RFTN1: variants seen among roughly 807,000 people sequenced by gnomAD.
RFTN1 encodes the protein raftlin, lipid raft linker 1.
RFTN1 carries 26 observed loss-of-function variants against 46.5 expected under a neutral mutation model. That is an observed-to-expected ratio of 0.56 (90% CI 0.41 to 0.78). RFTN1 has a LOEUF of 0.78. Ranked by LOEUF, RFTN1 falls within the 30% of genes least tolerant of loss-of-function variation. The pLI is 0.00. For missense variants in RFTN1, 693 were observed against 718.7 expected, an observed-to-expected ratio of 0.96 and a Z score of 0.41; for synonymous variants, 261 against 284.2, an observed-to-expected ratio of 0.92 and a Z score of 0.82.
rs916299753 is a variant in RFTN1, at chr3:16,436,277, T to C, written c.146-2240A>G. ...TAAGAACTCTTTACATATTAGGAAA[T>C]TTAGTTTTTGATGTATCTGCCCCCA... is the stretch of plus-strand genomic sequence containing the variant. On this transcript the variant is annotated intron_variant, in intron 2 of 9. Transcript: ENST00000334133. 9.9e-5 allele frequency among the ~76,000 whole-genome samples: 15 copies of C among 152,188 alleles called. No homozygotes were observed. The South Asian group carries it at 3.1e-3, about 32-fold the overall frequency.
At chr3:16,434,524 T>C (rs2075463882) in intron 2 of RFTN1, among the ~76,000 whole-genome samples, 1 of 151,816 alleles carries the variant, frequency 6.6e-6, no homozygotes, top group African/African-American at 2.4e-5. Context: ...CACTGCACTC[T>C]AGCCTGGGCA....
chr3:16,467,391 A>G (rs112149215), intron 2 of RFTN1, among the ~76,000 whole-genome samples: 16 of 152,236 alleles, frequency 1.1e-4, no homozygotes, highest in African/African-American at 3.6e-4. Context: ...TCCTTCTCAG[A>G]CTGCTCCAGT....
rs17200285 is a variant in RFTN1 at position 16,362,144 on chromosome 3, G to A, written c.1031-4097C>T. ...CTAACCGGTTCAACAAACCATGGCT[G>A]TAAGGTAATAAGCACAGCAGCCTTA... On this transcript the variant is annotated intron_variant, in intron 6 of 9. Coordinates refer to ENST00000334133, the MANE Select transcript of RFTN1 (RefSeq NM_015150.2). 6.0e-3 allele frequency among the ~76,000 whole-genome samples: 907 copies of A among 152,320 alleles called. 8 individuals are homozygous for A. The highest frequency in any genetic ancestry group is 0.01 in the Non-Finnish European group (697 of 68,028).
chr3:16,368,921 G>A (rs1167379277), intron 6 of RFTN1, among the ~76,000 whole-genome samples: 2 of 152,182 alleles, frequency 1.3e-5, no homozygotes, highest in Non-Finnish European at 2.9e-5. Context: ...CACTTCTATT[G>A]GACAGCCCTG....
intron 2 of RFTN1, among the ~76,000 whole-genome samples, chr3:16,490,683 G>T (rs2124987443): frequency 6.6e-6 from 1 of 152,304 alleles, no homozygotes; most frequent in African/African-American, 2.4e-5. Context: ...TGTGTACAAA[G>T]ATTTATGGAC....
At chr3:16,419,294 G>A (rs1226596504) in intron 3 of RFTN1, among the ~76,000 whole-genome samples, 1 of 152,136 alleles carries the variant, frequency 6.6e-6, no homozygotes, top group Non-Finnish European at 1.5e-5. Flanking sequence ...AAGTTACTGA[G>A]AAAGGACGGT....
At chr3:16,436,447 C>T (rs2125501763) in intron 2 of RFTN1, among the ~76,000 whole-genome samples, 1 of 151,940 alleles carries the variant, frequency 6.6e-6, no homozygotes, top group South Asian at 2.1e-4. Flanking sequence ...AACTCTACCT[C>T]CTGGGTTCAA....
At chr3:16,401,509 T>G (rs2074601356) in intron 4 of RFTN1, among the ~76,000 whole-genome samples, 1 of 152,190 alleles carries the variant, frequency 6.6e-6, no homozygotes, top group Admixed American at 6.5e-5. Flanking sequence ...CCCCTCCCAC[T>G]TGACCTCCTC....
chr3:16,493,711 C>T lies in RFTN1; in HGVS notation c.145+14G>A, dbSNP rs780934550. The T allele has an allele frequency of 6.2e-7, 1 of 1,612,180 alleles. No individual in the cohort carries two copies. Among genetic ancestry groups the T allele is most frequent in the South Asian group, 1.1e-5 (1 of 90,954 alleles). ...CCCCACCTGCCCCCATCCATTCCCA[C>T]CCCATGTACTCACCAGCACTCAGAG... On this transcript the variant is annotated intron_variant, in intron 2 of 9. Coordinates refer to ENST00000334133, the MANE Select transcript of RFTN1 (RefSeq NM_015150.2).
At position 16,377,799 on chromosome 3, in the gene RFTN1, G is replaced by T. The variant is rs563857539; in HGVS notation, c.745C>A (p.Leu249Ile). The change falls in exon 5 of 10, where the codon CTT becomes ATT. Residue 249 changes from leucine to isoleucine, a missense_variant. Leu to Ile is a conservative substitution (Grantham distance 5). Transcript: ENST00000334133. ...GTCTTGCTCACCCCCTGTGGTGAAA[G>T]TTCTCCACCATCTCCCTCTCCGGAG... ...SPSGEGDGGE[L>I]SPQGVSKTLD... 1 of 1,614,166 alleles carries T rather than the reference G, an allele frequency of 6.2e-7. No individual in the cohort carries two copies. The highest frequency in any genetic ancestry group is 2.2e-5 in the East Asian group (1 of 44,876).
intron 2 of RFTN1, among the ~76,000 whole-genome samples, chr3:16,445,758 G>A (rs2075718735): frequency 1.3e-5 from 2 of 151,930 alleles, no homozygotes; most frequent in African/African-American, 4.8e-5. Context: ...AATTTCATGT[G>A]TTTCTTTTTA....
rs1030022354 is a variant in RFTN1 at position 16,336,711 on chromosome 3, GA to G, written c.1147-9836del. 2.6e-5 allele frequency among the ~76,000 whole-genome samples: 4 copies of G among 152,036 alleles called. No homozygotes were observed. Among genetic ancestry groups the G allele is most frequent in the Non-Finnish European group, 4.4e-5 (3 of 68,014 alleles). ...AGTTCTTAGATGCAGAAAAGGGTCA[GA>G]GGAAAATACATGTAGTGCATAAAAA... On this transcript the variant is annotated intron_variant, in intron 7 of 9. Transcript: ENST00000334133. The surrounding 1 kb of genome is among the most constrained non-coding windows in gnomAD (Gnocchi z 6.0).
intron 2 of RFTN1, chr3:16,482,954 AGT>A: frequency 1.2e-6 from 1 of 800,832 alleles, no homozygotes; most frequent in Non-Finnish European, 2.0e-6. Context: ...CTCTTGCAGC[AGT>A]ATCAAGGGCT....
rs2071319517 is a variant in RFTN1, at chr3:16,341,553, C to T, written c.1147-14677G>A. 2.0e-5 allele frequency among the ~76,000 whole-genome samples: 3 copies of T among 152,154 alleles called. No individual in the cohort carries two copies. In the South Asian group the frequency reaches 6.2e-4, roughly 31 times the overall value. ...GAAGCCAACTGGAAAAGGCTACATA[C>T]TGTATGGGAACTCTGTAGATTCAGT... On this transcript the variant is annotated intron_variant, in intron 7 of 9. Transcript: ENST00000334133. The surrounding 1 kb of genome is among the most constrained non-coding windows in gnomAD (Gnocchi z 4.7).
intron 6 of RFTN1, among the ~76,000 whole-genome samples, chr3:16,368,256 C>T (rs2073322800): frequency 1.3e-5 from 2 of 152,202 alleles, no homozygotes; most frequent in African/African-American, 2.4e-5. Context: ...TGAAACCAGA[C>T]CGTGACAACC....
Position 16,352,518 on chromosome 3 carries a change from A to G in RFTN1, c.1146+5414T>C, listed in dbSNP as rs751206316. ...CCTATGGATAGACATTTATCTTACA[A>G]ATGCCTTTAATTTTAGGCTGTAGGT... On this transcript the variant is annotated intron_variant, in intron 7 of 9. Coordinates refer to ENST00000334133, the MANE Select transcript of RFTN1 (RefSeq NM_015150.2). The surrounding 1 kb of genome is among the most constrained non-coding windows in gnomAD (Gnocchi z 4.6). Among the ~76,000 whole-genome samples, 1 of 152,260 alleles carries G rather than the reference A, an allele frequency of 6.6e-6. No homozygotes were observed. Among genetic ancestry groups the G allele is most frequent in the African/African-American group, 2.4e-5 (1 of 41,462 alleles).
Position 16,410,635 on chromosome 3 carries a change from G to A in RFTN1, c.333-1152C>T, listed in dbSNP as rs907243746. On this transcript the variant is annotated intron_variant, in intron 3 of 9. Coordinates refer to ENST00000334133, the MANE Select transcript of RFTN1 (RefSeq NM_015150.2). The surrounding 1 kb of genome is among the most constrained non-coding windows in gnomAD (Gnocchi z 4.6). The stretch of plus-strand genomic sequence containing the variant: ...TACTGAGCAACTAAAAGAAATTCTG[G>A]GAAAACAGCGTGGGTGTAAACGGCT... Among the ~76,000 whole-genome samples, 1 of 152,132 alleles carries A rather than the reference G, an allele frequency of 6.6e-6. No individual in the cohort carries two copies. The highest frequency in any genetic ancestry group is 6.6e-5 in the Admixed American group (1 of 15,262).
Position 16,479,009 on chromosome 3 carries a change from C to T in RFTN1, c.145+14716G>A, listed in dbSNP as rs1414989403. 6.6e-6 allele frequency among the ~76,000 whole-genome samples: 1 copy of T among 152,158 alleles called. No homozygotes were observed. The highest frequency in any genetic ancestry group is 2.4e-5 in the African/African-American group (1 of 41,424). On this transcript the variant is annotated intron_variant, in intron 2 of 9. Transcript: ENST00000334133. The surrounding 1 kb of genome is among the most constrained non-coding windows in gnomAD (Gnocchi z 5.1). ...AAGCAATTCACTAGGTACACAAGGCCGTGGATACCAGTAGGCAGGGGTCAC... is the reference window on the plus strand; with the variant it reads ...AAGCAATTCACTAGGTACACAAGGCTGTGGATACCAGTAGGCAGGGGTCAC...
intron 1 of RFTN1, among the ~76,000 whole-genome samples, chr3:16,497,966 C>T (rs1575376833): frequency 6.6e-6 from 1 of 151,930 alleles, no homozygotes; most frequent in Non-Finnish European, 1.5e-5. Flanking sequence ...CAGAAGAGTA[C>T]CAAGAAGCAT....
Sources: allele counts gnomAD v4.1 joint callset (sites outside exome capture counted in the v4.1 genomes callset), GRCh38; gene constraint gnomAD v4.1.1; non-coding constraint Gnocchi (gnomAD v3.1); transcripts MANE v1.5; gene names NCBI Gene and HGNC (gene_info 2026-07-23, HGNC 2026-07-21).